The following KHDRBS3 variants were observed in gnomAD, a reference collection of about 807,000 sequenced individuals.
KHDRBS3 encodes KH domain-containing, RNA-binding, signal transduction-associated protein 3.
A neutral mutation model predicts 45.6 loss-of-function variants in KHDRBS3; 23 were observed. The observed-to-expected ratio is 0.50, with a 90% CI of 0.36 to 0.72. The LOEUF is 0.72. Among genes scored for constraint, KHDRBS3 ranks in the 30% least tolerant of loss-of-function variants. KHDRBS3 has a pLI of 0.00. For synonymous variants in KHDRBS3, 162 were observed against 156.5 expected (o/e 1.04, Z -0.26); for missense variants, 352 against 424.8 (o/e 0.83, Z 1.51).
intron 7 of KHDRBS3, chr8:135,625,370 G>A: frequency 2.3e-6 from 2 of 887,388 alleles, no homozygotes; most frequent in Non-Finnish European, 3.8e-6. Flanking sequence ...GTCTTCAACG[G>A]TAAGTTTCAA....
chr8:135,572,694 C>T (rs1586740632), intron 5 of KHDRBS3, among the ~76,000 whole-genome samples: 2 of 152,224 alleles, frequency 1.3e-5, no homozygotes, highest in Admixed American at 6.5e-5. Flanking sequence ...CGCATGAACG[C>T]ATGAGATGCG....
intron 2 of KHDRBS3, among the ~76,000 whole-genome samples, chr8:135,536,576 A>G (rs1050599192): frequency 1.3e-5 from 2 of 152,128 alleles, no homozygotes; most frequent in African/African-American, 4.8e-5. Context: ...ATGGAAGTGG[A>G]TACAGAGAAA....
intron 2 of KHDRBS3, among the ~76,000 whole-genome samples, chr8:135,530,123 C>G (rs889594229): frequency 2.6e-5 from 4 of 151,906 alleles, no homozygotes; most frequent in African/African-American, 9.7e-5. Flanking sequence ...TTAATTACAT[C>G]TCTGCTTACT....
chr8:135,629,164 A>G (rs1327536174), intron 7 of KHDRBS3, among the ~76,000 whole-genome samples: 2 of 152,252 alleles, frequency 1.3e-5, no homozygotes, highest in African/African-American at 4.8e-5. Flanking sequence ...TGTGTCTCCA[A>G]TTCTCTGGCA....
chr8:135,489,063 G>C (rs1823008435), intron 1 of KHDRBS3, among the ~76,000 whole-genome samples: 1 of 152,134 alleles, frequency 6.6e-6, no homozygotes. Flanking sequence ...TGACCATCCA[G>C]TAAATGGCAG....
intron 8 of KHDRBS3, 150 bp downstream of exon 8, chr8:135,645,267 G>T: frequency 1.6e-6 from 1 of 629,830 alleles, no homozygotes; most frequent in East Asian, 2.8e-5. Context: ...CTATTTTTAG[G>T]GCTCCTTTAT....
intron 5 of KHDRBS3, among the ~76,000 whole-genome samples, chr8:135,560,164 A>T (rs942962081): frequency 2.6e-5 from 4 of 152,166 alleles, no homozygotes; most frequent in Non-Finnish European, 5.9e-5. Context: ...CTCTGTATAT[A>T]TATACAGTTT....
chr8:135,574,453 C>G (rs116512818), intron 5 of KHDRBS3, among the ~76,000 whole-genome samples: 1 of 152,062 alleles, frequency 6.6e-6, no homozygotes. Flanking sequence ...ATTTCATACA[C>G]GAGTGGTGCA....
intron 5 of KHDRBS3, among the ~76,000 whole-genome samples, chr8:135,561,829 A>G (rs540006099): frequency 6.6e-6 from 1 of 152,226 alleles, no homozygotes; most frequent in African/African-American, 2.4e-5. Flanking sequence ...GTGCGTTTGT[A>G]TCTTAATTGC....
chr8:135,642,589 C>T (rs1831107483), intron 7 of KHDRBS3, among the ~76,000 whole-genome samples: 1 of 152,170 alleles, frequency 6.6e-6, no homozygotes, highest in Admixed American at 6.5e-5. Context: ...GTAGTAGTGA[C>T]TATTCTGTAA....
At chr8:135,559,299 G>A (rs1320623125) in intron 5 of KHDRBS3, among the ~76,000 whole-genome samples, 1 of 152,098 alleles carries the variant, frequency 6.6e-6, no homozygotes, top group Non-Finnish European at 1.5e-5. Context: ...TGCTGTGATA[G>A]GAGCTTGTAC....
intron 6 of KHDRBS3, among the ~76,000 whole-genome samples, chr8:135,605,084 A>C (rs949557945): frequency 6.6e-6 from 1 of 152,080 alleles, no homozygotes; most frequent in African/African-American, 2.4e-5. Context: ...GTCTTTCAGC[A>C]GTTTGACAAT....
chr8:135,572,456 T>A (rs1827748062), intron 5 of KHDRBS3, among the ~76,000 whole-genome samples: 1 of 152,208 alleles, frequency 6.6e-6, no homozygotes, highest in Admixed American at 6.5e-5. Context: ...AAGGAAGCAG[T>A]TGCTCAATTA....
intron 7 of KHDRBS3, among the ~76,000 whole-genome samples, chr8:135,635,532 C>T (rs928995197): frequency 1.3e-5 from 2 of 152,144 alleles, no homozygotes; most frequent in South Asian, 2.1e-4. Context: ...TATAGGCATG[C>T]GCCACCATGC....
intron 6 of KHDRBS3, chr8:135,593,386 G>C (rs1828834120): frequency 6.6e-6 from 1 of 152,158 alleles, no homozygotes; most frequent in Non-Finnish European, 1.5e-5. Context: ...ACTTATCTTA[G>C]AGTAATGTAA....
At chr8:135,646,499 C>T (rs1831294159) in intron 8 of KHDRBS3, among the ~76,000 whole-genome samples, 2 of 152,296 alleles carry the variant, frequency 1.3e-5, no homozygotes, top group South Asian at 4.1e-4. Context: ...AAAATGAGGT[C>T]ATATTTCCCT....
chr8:135,474,586 A>G (rs1480329105), intron 1 of KHDRBS3, among the ~76,000 whole-genome samples: 1 of 152,192 alleles, frequency 6.6e-6, no homozygotes, highest in Non-Finnish European at 1.5e-5. Flanking sequence ...GAAATCAAGC[A>G]CTGTTAAGAA....
chr8:135,560,149 G>A (rs998507026), intron 5 of KHDRBS3, among the ~76,000 whole-genome samples: 6 of 151,774 alleles, frequency 4.0e-5, no homozygotes, highest in African/African-American at 1.2e-4. Context: ...TAGATAAAAA[G>A]GTATCTCTGT....
intron 4 of KHDRBS3, among the ~76,000 whole-genome samples, chr8:135,556,048 C>T (rs1826868157): frequency 6.6e-6 from 1 of 152,164 alleles, no homozygotes; most frequent in Non-Finnish European, 1.5e-5. Context: ...ATCCCTGTCC[C>T]TACAAAGGAC....
Sources: gnomAD v4.1 joint callset for allele counts (sites outside exome capture counted in the v4.1 genomes callset) on GRCh38, gnomAD v4.1.1 for gene constraint, MANE v1.5 for transcripts, NCBI Gene and HGNC (gene_info 2026-07-23, HGNC 2026-07-21) for gene names.